RIPPLY2: variants seen among roughly 807,000 people sequenced by gnomAD.
The protein encoded by RIPPLY2 is ripply transcriptional repressor 2.
Under a neutral mutation model 17.7 loss-of-function variants are expected in RIPPLY2, and 20 were observed. The observed-to-expected ratio is 1.13, with a 90% CI of 0.79 to 1.64. The LOEUF is 1.64. Ranked by LOEUF, RIPPLY2 falls within the 40% of genes most tolerant of loss-of-function variation. RIPPLY2 has a pLI of 0.00. For synonymous variants in RIPPLY2, 69 were observed against 63.9 expected (o/e 1.08, Z -0.38); for missense variants, 213 against 169.8 (o/e 1.25, Z -1.41).
At position 83,853,426 on chromosome 6, in the gene RIPPLY2, G is replaced by A. The variant is rs1206477313; in HGVS notation, c.10G>A (p.Ala4Thr). The A allele has an allele frequency of 5.2e-6, 8 of 1,543,504 alleles. No homozygotes were observed. In the South Asian group the frequency reaches 8.3e-5, roughly 16 times the overall value. The change falls in exon 1 of 4, where the codon GCG becomes ACG. Residue 4 changes from alanine (A) to threonine (T), a missense_variant. Transcript: ENST00000369689. ...CCAGCTCTGCGGCGTCATGGAGAAC[G>A]CGGGAGGCGCAGAGGGTACAGAGAG... MEN[A>T]GGAEGTESGA...
At chr6:83,857,176 T>C in intron 3 of RIPPLY2, 66 bp from the exon 4 acceptor site, 1 of 1,060,846 alleles carries the variant, frequency 9.4e-7, no homozygotes, top group South Asian at 2.2e-5. Flanking sequence ...TCTTGAAATT[T>C]GACCATTTCA....
chr6:83,853,295 A>G (rs1266489248), upstream of RIPPLY2: 4 of 715,456 alleles, frequency 5.6e-6, no homozygotes, highest in African/African-American at 5.7e-5. Context: ...GCGGAGAGGC[A>G]GCGAACCTCT....
chr6:83,853,858 A>G (rs1468691589), intron 2 of RIPPLY2, 85 bp downstream of exon 2: 1 of 1,231,554 alleles, frequency 8.1e-7, no homozygotes, highest in Admixed American at 2.1e-5. Flanking sequence ...CCTGAGAGAG[A>G]CATGCGAGAC....
chr6:83,853,643 C>A, intron 1 of RIPPLY2, 52 bp from the exon 2 acceptor site: 1 of 1,584,728 alleles, frequency 6.3e-7, no homozygotes, highest in Non-Finnish European at 8.6e-7. Context: ...TGGATTCTCC[C>A]GGGTCTGGGC....
chr6:83,857,149 T>G (rs2099455110), intron 3 of RIPPLY2, 93 bp from the exon 4 acceptor site: 2 of 780,248 alleles, frequency 2.6e-6, no homozygotes, highest in Admixed American at 3.1e-5. Flanking sequence ...ATAAGTCAAT[T>G]GTTAAATATA....
At chr6:83,854,030 G>T (rs943816398) in intron 2 of RIPPLY2, 67 bp from the exon 3 acceptor site, 8 of 1,429,328 alleles carry the variant, frequency 5.6e-6, no homozygotes, top group Non-Finnish European at 7.9e-6. Flanking sequence ...GGAACACTGG[G>T]TCGTGCACGT....
Position 83,857,420 on chromosome 6 carries a change from G to A in RIPPLY2, c.*31G>A. 2.0e-6 allele frequency: 3 copies of A among 1,486,464 alleles called. No individual in the cohort carries two copies. Among genetic ancestry groups the A allele is most frequent in the Non-Finnish European group, 2.7e-6 (3 of 1,112,418 alleles). 92.1% of individuals were successfully genotyped at this position (1,486,464 alleles called of 1,614,324 possible). A position where few individuals can be genotyped will look rare whatever the true frequency, so the allele number is the denominator to read the frequency against. On this transcript the variant is annotated 3_prime_UTR_variant, in exon 4 of 4. Transcript: ENST00000369689. ...TTAGCTACTTTTGATTATATCCAAA[G>A]CTTGTGGGGTTTAAATTTAGTGTAC...
intron 2 of RIPPLY2, 63 bp downstream of exon 2, chr6:83,853,836 C>A: frequency 7.0e-7 from 1 of 1,433,790 alleles, no homozygotes; most frequent in South Asian, 1.2e-5. Context: ...CCAGGGCTCT[C>A]GGGACGCAGG....
Position 83,853,956 on chromosome 6 carries a change from C to CA in RIPPLY2, c.175-140dup, listed in dbSNP as rs1263514480. ...GGATGTGTCCTCTGGAGCGATGGGC[C>CA]ACAGGCACCCAGCCGGGAGCGAGGC... is the stretch of plus-strand genomic sequence containing the variant. On this transcript the variant is annotated intron_variant, in intron 2 of 3. Coordinates refer to ENST00000369689, the MANE Select transcript of RIPPLY2 (RefSeq NM_001009994.3). The CA allele has an allele frequency of 2.9e-6, 3 of 1,020,218 alleles. No individual in the cohort carries two copies. The Admixed American group carries it at 5.7e-5, about 19-fold the overall frequency. 63.2% of individuals were successfully genotyped at this position (1,020,218 alleles called of 1,614,324 possible).
intron 2 of RIPPLY2, 144 bp from the exon 3 acceptor site, chr6:83,853,953 G>C: frequency 4.0e-6 from 4 of 1,009,142 alleles, no homozygotes; most frequent in Non-Finnish European, 6.1e-6. Flanking sequence ...TGGAGCGATG[G>C]GCCACAGGCA....
At position 83,853,420 on chromosome 6, in the gene RIPPLY2, G is replaced by C; in HGVS notation, c.4G>C (p.Glu2Gln). The C allele has an allele frequency of 6.5e-7, 1 of 1,543,406 alleles. No homozygotes were observed. Among genetic ancestry groups the C allele is most frequent in the Non-Finnish European group, 8.7e-7 (1 of 1,146,448 alleles). The change falls in exon 1 of 4, where the codon GAG (glutamate) becomes CAG (glutamine). Residue 2 changes from glutamate (E) to glutamine (Q), a missense_variant. Transcript: ENST00000369689. ...TTCCGCCCAGCTCTGCGGCGTCATG[G>C]AGAACGCGGGAGGCGCAGAGGGTAC... M[E>Q]NAGGAEGTES... is the part of the protein sequence containing the mutation.
intron 2 of RIPPLY2, 123 bp from the exon 3 acceptor site, chr6:83,853,974 A>G (rs1562821745): frequency 9.1e-7 from 1 of 1,098,902 alleles, no homozygotes; most frequent in East Asian, 2.4e-5. Flanking sequence ...CCCAGCCGGG[A>G]GCGAGGCTGC....
intron 3 of RIPPLY2, 36 bp from the exon 4 acceptor site, chr6:83,857,206 T>C: frequency 7.1e-7 from 1 of 1,403,668 alleles, no homozygotes; most frequent in Non-Finnish European, 9.4e-7. Context: ...AGATCCTGAA[T>C]GTGAAAAAAT....
chr6:83,857,180 C>A, intron 3 of RIPPLY2, 62 bp from the exon 4 acceptor site: 1 of 1,103,086 alleles, frequency 9.1e-7, no homozygotes, highest in Non-Finnish European at 1.2e-6. Flanking sequence ...GAAATTTGAC[C>A]ATTTCATGAG....
intron 3 of RIPPLY2, chr6:83,855,940 T>G (rs996742397): frequency 3.3e-5 from 5 of 152,122 alleles, no homozygotes; most frequent in African/African-American, 1.2e-4. Flanking sequence ...CAGTGAGAAA[T>G]TCTGGACAGA....
rs9344362 is a variant in RIPPLY2 at position 83,853,366 on chromosome 6, T to C, written c.-51T>C. 109,114 of 1,486,130 alleles carry C rather than the reference T, an allele frequency of 0.073. 12,880 individuals carry two copies. Among genetic ancestry groups the C allele is most frequent in the African/African-American group, 0.47 (33,269 of 71,104 alleles). The allele number at this position is 1,486,130 out of a possible 1,614,324, so 92.1% of individuals were successfully genotyped here. On this transcript the variant is annotated 5_prime_UTR_variant, in exon 1 of 4. Coordinates refer to ENST00000369689, the MANE Select transcript of RIPPLY2 (RefSeq NM_001009994.3). ...CGGGTCTCGGACCTACTGGAACTGG[T>C]CAAGATTGCCCGCGAGCTGGCAGCG...
intron 2 of RIPPLY2, 91 bp from the exon 3 acceptor site, chr6:83,854,006 C>A: frequency 1.5e-6 from 2 of 1,304,370 alleles, no homozygotes; most frequent in South Asian, 1.2e-5. Context: ...GGGTTACATT[C>A]CCAGCGGGCA....
At chr6:83,853,536 G>A (rs771322458) in intron 1 of RIPPLY2, 25 bp downstream of exon 1, 11 of 1,535,750 alleles carry the variant, frequency 7.2e-6, no homozygotes, top group African/African-American at 5.5e-5. Context: ...GCTGCTCTGC[G>A]CCTCCCAGCT....
chr6:83,854,037 A>C, intron 2 of RIPPLY2, 60 bp from the exon 3 acceptor site: 1 of 1,480,316 alleles, frequency 6.8e-7, no homozygotes, highest in Non-Finnish European at 9.5e-7. Context: ...TGGGTCGTGC[A>C]CGTTTCCACT....
Sources: gnomAD v4.1 joint callset for allele counts on GRCh38, gnomAD v4.1.1 for gene constraint, MANE v1.5 for transcripts, NCBI Gene and HGNC (gene_info 2026-07-23, HGNC 2026-07-21) for gene names.